The following MICALL1 variants were observed in gnomAD, a reference collection of about 807,000 sequenced individuals.
The protein encoded by MICALL1 is MICAL-like protein 1.
A neutral mutation model predicts 83.7 loss-of-function variants in MICALL1; 61 were observed. The ratio of observed to expected loss-of-function variants is 0.73; its 90% CI spans 0.59 to 0.90. MICALL1 has a LOEUF of 0.90. MICALL1 is among the 40% of genes least tolerant of loss of function. MICALL1 has a pLI of 0.00. For synonymous variants in MICALL1, 481 were observed against 473.6 expected (o/e 1.02, Z -0.20); for missense variants, 1,066 against 1,152.0 (o/e 0.93, Z 1.08).
At chr22:37,934,648 G>GTGC (rs753248633) in intron 13 of MICALL1, among the ~76,000 whole-genome samples, 14 of 151,178 alleles carry the variant, frequency 9.3e-5, no homozygotes, top group Middle Eastern at 3.4e-3. Flanking sequence ...CCAGGCTGGA[G>GTGC]TGCAGTGGCG....
rs1930416571 is a variant in MICALL1, at chr22:37,941,171, C to T, written c.*341C>T. 7 of 226,604 alleles carry T rather than the reference C, an allele frequency of 3.1e-5. No individual in the cohort carries two copies. The South Asian group carries it at 4.0e-4, about 13-fold the overall frequency. 14.0% of individuals were successfully genotyped at this position (226,604 alleles called of 1,614,324 possible). ...TTCCGCCCCTCACCCTGCCCAGCCCCTGCCATGAGCTCTGGGCTGGGTCTC... is the reference window on the plus strand; with the variant it reads ...TTCCGCCCCTCACCCTGCCCAGCCCTTGCCATGAGCTCTGGGCTGGGTCTC... On this transcript the variant is annotated 3_prime_UTR_variant, in exon 16 of 16. Transcript: ENST00000215957.
rs563877627 is a variant in MICALL1, at chr22:37,923,284, T to G, written c.1024+858T>G. Among the ~76,000 whole-genome samples, 7 of 152,120 alleles carry G rather than the reference T, an allele frequency of 4.6e-5. No individual in the cohort carries two copies. The East Asian group carries it at 9.7e-4, about 21-fold the overall frequency. ...ACTCTGTCATCCAGGTGGAGTGCAA[T>G]GGCACAATCTCGGCTCACTGCAATC... On this transcript the variant is annotated intron_variant, in intron 6 of 15. Transcript: ENST00000215957.
intron 4 of MICALL1, among the ~76,000 whole-genome samples, chr22:37,918,496 G>T (rs1424732654): frequency 6.6e-6 from 1 of 152,230 alleles, no homozygotes; most frequent in African/African-American, 2.4e-5. Flanking sequence ...GCTGGCAGGG[G>T]TTATACAGTT....
chr22:37,922,803 T>G (rs1372299135), intron 6 of MICALL1, among the ~76,000 whole-genome samples: 5 of 138,534 alleles, frequency 3.6e-5, no homozygotes, highest in Admixed American at 7.2e-5. Flanking sequence ...TTTGTTTTTT[T>G]TTTTTTTTTT....
At position 37,906,888 on chromosome 22, in the gene MICALL1, C is replaced by G; in HGVS notation, c.146+320C>G. ...CGCTGAACCCCTAAGCCCTTGACCT[C>G]TTTGAAGGGGTGTTGAGCCCTCTTT... On this transcript the variant is annotated intron_variant, in intron 1 of 15. Transcript: ENST00000215957. The surrounding 1 kb of genome is among the most constrained non-coding windows in gnomAD (Gnocchi z 4.4). 6.4e-6 allele frequency: 1 copy of G among 156,948 alleles called. No individual in the cohort carries two copies. Among genetic ancestry groups the G allele is most frequent in the African/African-American group, 2.4e-5 (1 of 41,752 alleles). The allele number at this position is 156,948 out of a possible 1,614,324, so 9.7% of individuals were successfully genotyped here.
In MICALL1 at chr22:37,940,811, C is replaced by A; in HGVS notation, c.2573C>A (p.Ser858Tyr). The change falls in exon 16 of 16, where the codon TCC becomes TAC. Residue 858 changes from serine to tyrosine, a missense_variant. Transcript: ENST00000215957. The part of the protein sequence containing the change: ...LGNKRDAKSK[S>Y]PRDKS ...AACAAACGTGATGCCAAGAGCAAGT[C>A]CCCCAGAGACAAGAGCTAACAGCAC... 10 of 1,613,994 alleles carry A rather than the reference C, an allele frequency of 6.2e-6. No individual in the cohort carries two copies. The highest frequency in any genetic ancestry group is 8.5e-6 in the Non-Finnish European group (10 of 1,179,908).
chr22:37,936,610 T>G (rs1310090960), intron 13 of MICALL1, among the ~76,000 whole-genome samples: 1 of 152,016 alleles, frequency 6.6e-6, no homozygotes, highest in East Asian at 1.9e-4. Flanking sequence ...TTGTAGGCCC[T>G]GGCCGGGCGC....
chr22:37,938,124 G>A (rs1930236576), intron 15 of MICALL1, among the ~76,000 whole-genome samples: 1 of 152,094 alleles, frequency 6.6e-6, no homozygotes, highest in South Asian at 2.1e-4. Context: ...GTTGGAGTCC[G>A]TGGGCCCAAA....
At position 37,911,973 on chromosome 22, in the gene MICALL1, G is replaced by A. The variant is rs747865436; in HGVS notation, c.168G>A (p.Lys56=). ...GCAGAGATTTTGATTCGCTTTCCAAGGACAATGTCTTCGAGAATAACCGTT... is the reference window on the plus strand; with the variant it reads ...GCAGAGATTTTGATTCGCTTTCCAAAGACAATGTCTTCGAGAATAACCGTT... ...PDLLDFDSLS[K]DNVFENNRLA... is the part of the protein sequence containing the mutation. Residue 56 remains lysine (K), a synonymous_variant, in exon 2 of 16, where the codon AAG becomes AAA. Coordinates refer to ENST00000215957, the MANE Select transcript of MICALL1 (RefSeq NM_033386.4). 1 of 1,614,150 alleles carries A rather than the reference G, an allele frequency of 6.2e-7. No individual in the cohort carries two copies. The highest frequency in any genetic ancestry group is 2.2e-5 in the East Asian group (1 of 44,888).
At chr22:37,909,296 C>T (rs571088560) in intron 1 of MICALL1, among the ~76,000 whole-genome samples, 4 of 151,684 alleles carry the variant, frequency 2.6e-5, no homozygotes, top group African/African-American at 7.3e-5. Flanking sequence ...TCAGGTGATC[C>T]GCCTGCCTCG....
At chr22:37,908,384 C>T (rs1327607327) in intron 1 of MICALL1, among the ~76,000 whole-genome samples, 1 of 151,592 alleles carries the variant, frequency 6.6e-6, no homozygotes, top group African/African-American at 2.4e-5. Context: ...CACTGCAGCC[C>T]CCACCTCCCG....
In MICALL1 at chr22:37,932,042, G is replaced by T. The variant is rs990502918; in HGVS notation, c.2016+109G>T. 4 of 1,470,864 alleles carry T rather than the reference G, an allele frequency of 2.7e-6. No homozygotes were observed. The highest frequency in any genetic ancestry group is 3.6e-6 in the Non-Finnish European group (4 of 1,101,418). 91.1% of individuals were successfully genotyped at this position (1,470,864 alleles called of 1,614,324 possible). A position where few individuals can be genotyped will look rare whatever the true frequency, so the allele number is the denominator to read the frequency against. The stretch of plus-strand genomic sequence containing the variant: ...AAGGAGGCTGGCTGGCTAGGCAGTG[G>T]GCCTCAGATGCTCAAGAGAGCACTC... On this transcript the variant is annotated intron_variant, in intron 10 of 15. Transcript: ENST00000215957. This position sits in a 1 kb window ranked among gnomAD's most constrained non-coding sequence, Gnocchi z 4.4.
Position 37,906,669 on chromosome 22 carries a change from G to GCCCCCGGACACGGAGACGCCGACCC in MICALL1, c.146+106_146+130dup. On this transcript the variant is annotated intron_variant, in intron 1 of 15. Transcript: ENST00000215957. The surrounding 1 kb of genome is among the most constrained non-coding windows in gnomAD (Gnocchi z 4.4). Reference sequence around the variant, plus strand: ...CGAAGCCCGGGCGGTGACAGGCGCCGCCCCCGGACACGGAGACGCCGACCC... The same window carrying GCCCCCGGACACGGAGACGCCGACCC: ...CGAAGCCCGGGCGGTGACAGGCGCCGCCCCCGGACACGGAGACGCCGACCCCCCCCGGACACGGAGACGCCGACCC... 9.5e-7 allele frequency: 1 copy of GCCCCCGGACACGGAGACGCCGACCC among 1,058,196 alleles called. No homozygotes were observed. Among genetic ancestry groups the GCCCCCGGACACGGAGACGCCGACCC allele is most frequent in the East Asian group, 4.9e-5 (1 of 20,220 alleles). 65.6% of individuals were successfully genotyped at this position (1,058,196 alleles called of 1,614,324 possible).
intron 15 of MICALL1, among the ~76,000 whole-genome samples, chr22:37,938,218 C>T (rs151042557): frequency 0.024 from 3,647 of 151,882 alleles, 159 homozygotes; most frequent in African/African-American, 0.082. Context: ...AGGGCTAACA[C>T]GGTGAAACCC....
intron 1 of MICALL1, among the ~76,000 whole-genome samples, chr22:37,909,649 C>T (rs934461306): frequency 6.6e-6 from 1 of 151,856 alleles, no homozygotes; most frequent in Non-Finnish European, 1.5e-5. Flanking sequence ...TGAGCCACCG[C>T]GCCTGGCCAA....
chr22:37,932,948 C>T lies in MICALL1; in HGVS notation c.2234+60C>T. 2 of 1,612,224 alleles carry T rather than the reference C, an allele frequency of 1.2e-6. No homozygotes were observed. The highest frequency in any genetic ancestry group is 1.7e-6 in the Non-Finnish European group (2 of 1,178,370). On this transcript the variant is annotated intron_variant, in intron 12 of 15. Transcript: ENST00000215957. This position sits in a 1 kb window ranked among gnomAD's most constrained non-coding sequence, Gnocchi z 4.4. ...ATCCGTAGAGCTTAGAATGGAGAAC[C>T]CTTACCCTCTTCCCTCATCAGTAAC...
At chr22:37,926,367 G>A (rs1296586773) in intron 8 of MICALL1, among the ~76,000 whole-genome samples, 2 of 152,170 alleles carry the variant, frequency 1.3e-5, no homozygotes. Flanking sequence ...GTGCTGTCTA[G>A]TGGTGTGCTC....
Position 37,922,154 on chromosome 22 carries a change from A to G in MICALL1, c.752A>G (p.Asp251Gly), listed in dbSNP as rs1929076974. The change falls in exon 6 of 16, where the codon GAT becomes GGT. Residue 251 changes from aspartate (D) to glycine (G), a missense_variant. By Grantham distance (94) the Asp-to-Gly change is moderately conservative. Transcript: ENST00000215957. ...HQQQLAEDAK[D>G]VPGGGPSSSA... ...CAGCAACTCGCAGAAGATGCCAAGG[A>G]TGTTCCAGGAGGCGGCCCCAGCTCC... The G allele has an allele frequency of 1.2e-6, 2 of 1,613,048 alleles. No individual in the cohort carries two copies. The highest frequency in any genetic ancestry group is 1.3e-5 in the African/African-American group (1 of 74,908).
At position 37,922,274 on chromosome 22, in the gene MICALL1, A is replaced by T. The variant is rs1190123117; in HGVS notation, c.872A>T (p.Gln291Leu). ...PTKPRVPGKL[Q>L]ELASPPAGRP... ...AAGCCCCGGGTTCCTGGCAAACTAC[A>T]GGAGCTGGCCAGCCCCCCTGCGGGC... is the stretch of plus-strand genomic sequence containing the variant. Residue 291 changes from glutamine to leucine, a missense_variant, in exon 6 of 16, where the codon CAG (glutamine) becomes CTG (leucine). Physicochemically the swap from Gln to Leu is moderately radical, Grantham distance 113. Coordinates refer to ENST00000215957, the MANE Select transcript of MICALL1 (RefSeq NM_033386.4). 3 of 1,576,372 alleles carry T rather than the reference A, an allele frequency of 1.9e-6. No individual in the cohort carries two copies. Among genetic ancestry groups the T allele is most frequent in the African/African-American group, 1.4e-5 (1 of 74,050 alleles).
Sources: gnomAD v4.1 joint callset for allele counts (sites outside exome capture counted in the v4.1 genomes callset) on GRCh38, gnomAD v4.1.1 for gene constraint, Gnocchi (gnomAD v3.1) non-coding constraint, MANE v1.5 for transcripts, NCBI Gene and HGNC (gene_info 2026-07-23, HGNC 2026-07-21) for gene names.